Variants in PCDH15 observed in about 807,000 individuals in gnomAD.
PCDH15 encodes the protein protocadherin-15.
Under a neutral mutation model 178.5 loss-of-function variants are expected in PCDH15, and 129 were observed. The ratio of observed to expected loss-of-function variants is 0.72; its 90% CI spans 0.63 to 0.84. The LOEUF is 0.84. Ranked by LOEUF, PCDH15 falls within the 40% of genes least tolerant of loss-of-function variation. The pLI, the probability that PCDH15 is intolerant of heterozygous loss-of-function variation, is 0.00. For synonymous variants in PCDH15, 800 were observed against 732.0 expected (o/e 1.09, Z -1.50); for missense variants, 2,230 against 2,099.9 (o/e 1.06, Z -1.21).
chr10:55,386,978 T>G (rs1412953816), intron 2 of PCDH15, among the ~76,000 whole-genome samples: 1 of 152,114 alleles, frequency 6.6e-6, no homozygotes, highest in Non-Finnish European at 1.5e-5. Flanking sequence ...CATATATTTT[T>G]GGAGGAAATC....
chr10:54,321,730 C>T (rs2061620447), intron 7 of PCDH15, among the ~76,000 whole-genome samples: 2 of 148,636 alleles, frequency 1.3e-5, no homozygotes, highest in South Asian at 4.2e-4. Flanking sequence ...GAAGTGTATA[C>T]CAAAATACAT....
At chr10:55,116,165 G>A (rs1307863626) in intron 2 of PCDH15, among the ~76,000 whole-genome samples, 1 of 152,104 alleles carries the variant, frequency 6.6e-6, no homozygotes, top group East Asian at 1.9e-4. Context: ...GATTGTTTAT[G>A]AGCCAATCTT....
chr10:54,071,173 G>A (rs148952752), intron 17 of PCDH15, among the ~76,000 whole-genome samples: 99 of 152,014 alleles, frequency 6.5e-4, no homozygotes, highest in Admixed American at 2.0e-3. Flanking sequence ...TTGTAAATGC[G>A]CCTTGTATTA....
At chr10:55,231,417 C>T (rs528497931) in intron 1 of PCDH15, among the ~76,000 whole-genome samples, 4 of 152,068 alleles carry the variant, frequency 2.6e-5, no homozygotes, top group Non-Finnish European at 4.4e-5. Context: ...TTCAAAGTAA[C>T]AGGAGTTGTT....
intron 2 of PCDH15, among the ~76,000 whole-genome samples, chr10:54,925,291 C>G (rs1363257545): frequency 6.6e-6 from 1 of 152,058 alleles, no homozygotes; most frequent in Non-Finnish European, 1.5e-5. Context: ...CGATTCTGTT[C>G]CATTGGTTTA....
intron 2 of PCDH15, among the ~76,000 whole-genome samples, chr10:54,973,572 G>A (rs1838990368): frequency 6.6e-6 from 1 of 152,056 alleles, no homozygotes; most frequent in Non-Finnish European, 1.5e-5. Flanking sequence ...TTTCAGAATT[G>A]GCTCAATACT....
intron 3 of PCDH15, among the ~76,000 whole-genome samples, chr10:54,458,154 T>G (rs1396622526): frequency 6.6e-6 from 1 of 152,176 alleles, no homozygotes; most frequent in Non-Finnish European, 1.5e-5. Context: ...CTACTTTACT[T>G]TTAGACAACT....
chr10:54,005,877 T>C lies in PCDH15; in HGVS notation c.2752-10112A>G, dbSNP rs1306484952. 2.0e-5 allele frequency among the ~76,000 whole-genome samples: 3 copies of C among 151,988 alleles called. No individual in the cohort carries two copies. The East Asian group carries it at 5.8e-4, about 29-fold the overall frequency. On this transcript the variant is annotated intron_variant, in intron 20 of 37. Transcript: ENST00000644397. ...CACTCCCATGTTTATTGCAGCACTA[T>C]TTACCATGGCCAAGATTTGGAAGCA...
At chr10:53,829,009 T>C (rs536226578) in intron 30 of PCDH15, among the ~76,000 whole-genome samples, 1 of 152,280 alleles carries the variant, frequency 6.6e-6, no homozygotes, top group South Asian at 2.1e-4. Context: ...GAAGCTACAA[T>C]TGGAAGGTCC....
chr10:53,945,207 C>A (rs919043442), intron 23 of PCDH15, among the ~76,000 whole-genome samples: 2 of 152,066 alleles, frequency 1.3e-5, no homozygotes, highest in Non-Finnish European at 2.9e-5. Flanking sequence ...GATAAAAATA[C>A]TGGCACAATG....
At chr10:54,623,961 A>G (rs2093465870) in intron 2 of PCDH15, among the ~76,000 whole-genome samples, 1 of 152,182 alleles carries the variant, frequency 6.6e-6, no homozygotes, top group Non-Finnish European at 1.5e-5. Context: ...AAATCATATG[A>G]AATTAATTTA....
rs184726859 is a variant in PCDH15 at position 55,100,167 on chromosome 10, T to C, written c.-80+66409A>G. On this transcript the variant is annotated intron_variant, in intron 2 of 5. Coordinates refer to the PCDH15 transcript ENST00000458638. The stretch of plus-strand genomic sequence containing the variant: ...CTTAGCAAGAATTATGTGATTTTAT[T>C]CTTGTATTTTCAGATCAGAAAGTTT... 1.7e-3 allele frequency among the ~76,000 whole-genome samples: 266 copies of C among 152,236 alleles called. 1 individual carries two copies. Among genetic ancestry groups the C allele is most frequent in the Non-Finnish European group, 2.7e-3 (183 of 67,984 alleles).
chr10:54,959,502 G>C (rs1482273575), intron 2 of PCDH15, among the ~76,000 whole-genome samples: 1 of 151,928 alleles, frequency 6.6e-6, no homozygotes, highest in African/African-American at 2.4e-5. Flanking sequence ...AGCAGCAAAA[G>C]CTACTTGCTA....
At chr10:54,177,604 A>G (rs2047559267) in intron 13 of PCDH15, among the ~76,000 whole-genome samples, 2 of 152,132 alleles carry the variant, frequency 1.3e-5, no homozygotes, top group Non-Finnish European at 1.5e-5. Context: ...ATCTTTAACA[A>G]AAAAGATGAA....
At chr10:55,430,304 T>TA (rs35018913) in intron 2 of PCDH15, among the ~76,000 whole-genome samples, 84,707 of 151,778 alleles carry the variant, frequency 0.56, 23,852 homozygotes, top group Non-Finnish European at 0.59. Context: ...AATAAATAAA[T>TA]AGTTGAAAGT....
intron 2 of PCDH15, among the ~76,000 whole-genome samples, chr10:55,602,312 G>A (rs989792230): frequency 1.2e-4 from 18 of 151,718 alleles, no homozygotes; most frequent in African/African-American, 4.4e-4. Context: ...GGCTGGGGGA[G>A]GGGCGCCCAC....
At chr10:55,510,189 G>A (rs1589095101) in intron 2 of PCDH15, among the ~76,000 whole-genome samples, 2 of 151,922 alleles carry the variant, frequency 1.3e-5, no homozygotes, top group East Asian at 1.9e-4. Context: ...TTATCACAAT[G>A]TTGATAGTGT....
rs991225950 is a variant in PCDH15, at chr10:55,312,591, T to C, written c.-156+7008A>G. On this transcript the variant is annotated intron_variant, in intron 1 of 5. Transcript: ENST00000458638. ...AAGGAATATGAGCATGGATTCTTTA[T>C]CATAGATGTTGACTGCTCTAAGTAA... Among the ~76,000 whole-genome samples the C allele has an allele frequency of 4.9e-4, 74 of 151,958 alleles. 1 individual carries two copies. The highest frequency in any genetic ancestry group is 1.6e-4 in the Non-Finnish European group (11 of 67,986).
At chr10:55,390,420 T>C (rs192305803) in intron 2 of PCDH15, among the ~76,000 whole-genome samples, 1 of 152,132 alleles carries the variant, frequency 6.6e-6, no homozygotes, top group Non-Finnish European at 1.5e-5. Context: ...AATTGAGTAT[T>C]CCTTTCACAA....
Sources: gnomAD v4.1 joint callset for allele counts (sites outside exome capture counted in the v4.1 genomes callset) on GRCh38, gnomAD v4.1.1 for gene constraint, MANE v1.5 for transcripts, NCBI Gene and HGNC (gene_info 2026-07-23, HGNC 2026-07-21) for gene names.